CTBP2: variants seen among roughly 807,000 people sequenced by gnomAD.
CTBP2 encodes C-terminal-binding protein 2.
Under a neutral mutation model 80.3 loss-of-function variants are expected in CTBP2, and 30 were observed. That is an observed-to-expected ratio of 0.37 (90% CI 0.28 to 0.51). The LOEUF (loss-of-function observed/expected upper bound fraction) is 0.51, where lower values mean the gene tolerates loss of function less well. Ranked by LOEUF, CTBP2 falls within the 20% of genes least tolerant of loss-of-function variation. CTBP2 has a pLI of 0.93. For missense variants in CTBP2, 1,212 were observed against 1,375.3 expected (o/e 0.88, Z 1.88); for synonymous variants, 594 against 587.4 (o/e 1.01, Z -0.16).
In CTBP2 at chr10:125,123,456, C is replaced by T. The variant is rs115346298; in HGVS notation, c.-205-12363G>A. 3.5e-3 allele frequency among the ~76,000 whole-genome samples: 532 copies of T among 152,286 alleles called. 5 individuals carry two copies. Among genetic ancestry groups the T allele is most frequent in the African/African-American group, 0.012 (519 of 41,550 alleles). On this transcript the variant is annotated intron_variant, in intron 1 of 10. Coordinates refer to the CTBP2 transcript ENST00000337195. ...GACCTCCTGTATTACCTTCTCCTAC[C>T]CTGTGAATTCATTCTGTATGTGAAT...
intron 1 of CTBP2, among the ~76,000 whole-genome samples, chr10:125,148,971 T>C (rs1859318063): frequency 6.6e-6 from 1 of 152,186 alleles, no homozygotes; most frequent in Admixed American, 6.5e-5. Context: ...ACTCTGAAGA[T>C]GCTAGGGCTG....
At chr10:125,136,638 A>C (rs1480904381) in intron 1 of CTBP2, among the ~76,000 whole-genome samples, 1 of 152,188 alleles carries the variant, frequency 6.6e-6, no homozygotes, top group Non-Finnish European at 1.5e-5. Context: ...GCACCTTCCA[A>C]GCCTCCCTAC....
rs192034795 is a variant in CTBP2 at position 125,072,420 on chromosome 10, G to A, written c.-101-33265C>T. ...ACCTGAGGTCAGGAGTTTGACACCA[G>A]CCTTGCCAACATGGTGAAACCTCAT... On this transcript the variant is annotated intron_variant, in intron 2 of 10. Coordinates refer to the CTBP2 transcript ENST00000337195. Among the ~76,000 whole-genome samples the A allele has an allele frequency of 1.7e-4, 26 of 152,258 alleles. No individual in the cohort carries two copies. In the East Asian group the frequency reaches 4.8e-3, roughly 28 times the overall value.
intron 3 of CTBP2, among the ~76,000 whole-genome samples, chr10:125,038,020 G>A (rs185439313): frequency 5.9e-5 from 9 of 152,152 alleles, no homozygotes; most frequent in Middle Eastern, 6.8e-3. Flanking sequence ...ACCCTTTAAC[G>A]CCAAACTCCT....
At chr10:125,042,052 G>A (rs942754320) in intron 2 of CTBP2, among the ~76,000 whole-genome samples, 6 of 151,766 alleles carry the variant, frequency 4.0e-5, no homozygotes, top group African/African-American at 9.7e-5. Context: ...CAGTGGCACC[G>A]ACCCATGTTT....
intron 3 of CTBP2, among the ~76,000 whole-genome samples, chr10:125,033,712 A>G (rs1257021763): frequency 1.3e-5 from 2 of 150,978 alleles, no homozygotes; most frequent in Non-Finnish European, 3.0e-5. Context: ...CACCCCAAGC[A>G]CTGCTCCCCT....
chr10:125,069,890 C>CT (rs1398530353), intron 2 of CTBP2, among the ~76,000 whole-genome samples: 1 of 128,312 alleles, frequency 7.8e-6, no homozygotes, highest in Non-Finnish European at 1.8e-5. Context: ...GCCCCCCTCC[C>CT]CCCCCCACAC....
chr10:125,015,075 C>A (rs908448125), intron 1 of CTBP2, among the ~76,000 whole-genome samples: 3 of 152,338 alleles, frequency 2.0e-5, no homozygotes, highest in Non-Finnish European at 4.4e-5. Flanking sequence ...ATGTGCTCCA[C>A]GTTCCTCGAC....
At chr10:125,133,700 T>C (rs1013956620) in intron 1 of CTBP2, 2 of 152,224 alleles carry the variant, frequency 1.3e-5, no homozygotes, top group Non-Finnish European at 2.9e-5. Flanking sequence ...AAGAGGCTAG[T>C]CTAGTCTTTT....
chr10:125,025,598 G>A (rs530048666), intron 1 of CTBP2, among the ~76,000 whole-genome samples: 2 of 152,254 alleles, frequency 1.3e-5, no homozygotes, highest in Admixed American at 6.5e-5. Flanking sequence ...CCTCTGATAC[G>A]GCGTGCGGAC....
In CTBP2 at chr10:125,027,876, A is replaced by G. The variant is rs1329597150; in HGVS notation, c.-117T>C. ...TAACCCTTCCGAGACGGCAGGGACA[A>G]CCAACTGGGGGTTTTCTGTTTCAAA... is the stretch of plus-strand genomic sequence containing the variant. On this transcript the variant is annotated 5_prime_UTR_variant, in exon 1 of 9. Coordinates refer to ENST00000309035, the MANE Select transcript of CTBP2 (RefSeq NM_022802.3). 2 of 1,428,018 alleles carry G rather than the reference A, an allele frequency of 1.4e-6. No individual in the cohort carries two copies. Among genetic ancestry groups the G allele is most frequent in the Non-Finnish European group, 1.8e-6 (2 of 1,095,048 alleles). The allele number at this position is 1,428,018 out of a possible 1,614,324, so 88.5% of individuals were successfully genotyped here.
At chr10:125,159,285 C>A (rs1434978169) in intron 1 of CTBP2, among the ~76,000 whole-genome samples, 1 of 149,896 alleles carries the variant, frequency 6.7e-6, no homozygotes, top group Non-Finnish European at 1.5e-5. Flanking sequence ...ATTCGCCCCA[C>A]CCGAAAAGTG....
intron 2 of CTBP2, among the ~76,000 whole-genome samples, chr10:125,048,265 C>A (rs1392100661): frequency 1.3e-5 from 2 of 152,174 alleles, no homozygotes; most frequent in Non-Finnish European, 2.9e-5. Flanking sequence ...GGGCACTGCA[C>A]ACCCTGCATG....
At chr10:125,069,057 C>T (rs1427553994) in intron 2 of CTBP2, among the ~76,000 whole-genome samples, 2 of 152,010 alleles carry the variant, frequency 1.3e-5, no homozygotes. Flanking sequence ...AGAGCTGGTG[C>T]CCACCCCCAC....
intron 1 of CTBP2, among the ~76,000 whole-genome samples, chr10:125,024,269 G>C (rs926006024): frequency 7.2e-5 from 11 of 152,160 alleles, no homozygotes; most frequent in African/African-American, 2.2e-4. Context: ...ATCAGCATAC[G>C]ATAAGGAATG....
At chr10:125,062,279 T>A (rs761723804) in intron 2 of CTBP2, among the ~76,000 whole-genome samples, 1 of 152,176 alleles carries the variant, frequency 6.6e-6, no homozygotes, top group Non-Finnish European at 1.5e-5. Flanking sequence ...CAAATGTTAG[T>A]CCTTTTATTT....
At chr10:125,021,240 C>G (rs139823970) in intron 1 of CTBP2, among the ~76,000 whole-genome samples, 1 of 152,222 alleles carries the variant, frequency 6.6e-6, no homozygotes, top group East Asian at 1.9e-4. Context: ...CACACAAGCC[C>G]TCTCTTCCTT....
intron 1 of CTBP2, among the ~76,000 whole-genome samples, chr10:125,129,293 T>C (rs940922456): frequency 6.6e-6 from 1 of 152,078 alleles, no homozygotes; most frequent in Non-Finnish European, 1.5e-5. Context: ...TAGCTCTTGG[T>C]AGGGCTTTGG....
At chr10:125,158,133 T>TTAAATATAG (rs1861261506) in intron 1 of CTBP2, among the ~76,000 whole-genome samples, 1 of 151,834 alleles carries the variant, frequency 6.6e-6, no homozygotes, top group African/African-American at 2.4e-5. Flanking sequence ...AAAGTCTCAT[T>TTAAATATAG]ACTTCAAAAT....
Sources: allele counts gnomAD v4.1 joint callset (sites outside exome capture counted in the v4.1 genomes callset), GRCh38; gene constraint gnomAD v4.1.1; transcripts MANE v1.5; gene names NCBI Gene and HGNC (gene_info 2026-07-23, HGNC 2026-07-21).